Variants in DNAH17 observed in about 807,000 individuals in gnomAD.
DNAH17 encodes axonemal beta dynein heavy chain 17.
DNAH17 carries 376 observed loss-of-function variants against 485.6 expected under a neutral mutation model. The observed-to-expected ratio is 0.77, with a 90% confidence interval of 0.71 to 0.84. The LOEUF (loss-of-function observed/expected upper bound fraction) is 0.84, where lower values mean the gene tolerates loss of function less well. Among genes scored for constraint, DNAH17 ranks in the 40% least tolerant of loss-of-function variants. The pLI is 0.00. For synonymous variants in DNAH17, 3,031 were observed against 2,405.9 expected (o/e 1.26, Z -7.60); for missense variants, 6,370 against 5,839.3 (o/e 1.09, Z -2.96).
chr17:78,473,583 A>T (rs2088872544), intron 54 of DNAH17, among the ~76,000 whole-genome samples: 1 of 151,400 alleles, frequency 6.6e-6, no homozygotes, highest in Non-Finnish European at 1.5e-5. Flanking sequence ...CAGTGATAGC[A>T]AAGCTGATTT....
intron 20 of DNAH17, among the ~76,000 whole-genome samples, chr17:78,531,911 C>T (rs1229564742): frequency 1.3e-5 from 2 of 152,190 alleles, no homozygotes; most frequent in Non-Finnish European, 2.9e-5. Flanking sequence ...GGGGCCTTGC[C>T]CATGGACGAC....
chr17:78,526,452 C>T (rs1360748378), intron 24 of DNAH17, among the ~76,000 whole-genome samples, 199 bp downstream of exon 24: 2 of 152,074 alleles, frequency 1.3e-5, no homozygotes, highest in South Asian at 2.1e-4. Context: ...GGGGGCTGCT[C>T]GGTTTGCATG....
Position 78,450,664 on chromosome 17 carries a change from C to A in DNAH17, c.10899+18G>T, listed in dbSNP as rs772486901. The A allele has an allele frequency of 6.2e-7, 1 of 1,604,880 alleles. No individual in the cohort carries two copies. Among genetic ancestry groups the A allele is most frequent in the East Asian group, 2.2e-5 (1 of 44,570 alleles). On this transcript the variant is annotated intron_variant, in intron 67 of 80. Coordinates refer to ENST00000389840, the MANE Select transcript of DNAH17 (RefSeq NM_173628.4). ...CCAAGCCCTGGCTGCCAGGGCACGT[C>A]ACCGAGGCAGCTCTGACCTTCTCCT...
chr17:78,510,159 G>A (rs543193056), intron 27 of DNAH17, among the ~76,000 whole-genome samples: 2 of 152,196 alleles, frequency 1.3e-5, no homozygotes, highest in East Asian at 1.9e-4. Flanking sequence ...TCCAGCCTGG[G>A]CAACAGAGAG....
At chr17:78,571,168 G>A (rs1309123131) in intron 5 of DNAH17, 111 bp downstream of exon 5, 1 of 1,295,486 alleles carries the variant, frequency 7.7e-7, no homozygotes, top group Non-Finnish European at 1.1e-6. Context: ...GGCTGAGAAA[G>A]CTGCTCGCAG....
intron 75 of DNAH17, among the ~76,000 whole-genome samples, chr17:78,430,204 C>T (rs1344961174): frequency 6.6e-6 from 1 of 152,208 alleles, no homozygotes; most frequent in Non-Finnish European, 1.5e-5. Context: ...TCCTGCACAG[C>T]GCAGTTCAGC....
At chr17:78,559,794 A>C (rs931308392) in intron 13 of DNAH17, among the ~76,000 whole-genome samples, 1 of 151,406 alleles carries the variant, frequency 6.6e-6, no homozygotes, top group Admixed American at 6.6e-5. Context: ...CTCTTCTCCT[A>C]CGACCTTCCC....
Position 78,434,077 on chromosome 17 carries a change from G to A in DNAH17, c.12177C>T (p.Leu4059=). ...TGTAGAGCACGTTGATGGAGATGGT[G>A]AGGTCCCCGTTGTTGAAGGGGTACG... is the stretch of plus-strand genomic sequence containing the variant. The part of the protein sequence containing the change: ...NRSYPFNNGD[L]TISINVLYNY... The change falls in exon 75 of 81, where the codon CTC becomes CTT. Residue 4059 remains leucine (L), a synonymous_variant. Transcript: ENST00000389840. 6.2e-7 allele frequency: 1 copy of A among 1,613,366 alleles called. No individual in the cohort carries two copies. The highest frequency in any genetic ancestry group is 8.5e-7 in the Non-Finnish European group (1 of 1,179,724).
At chr17:78,434,981 CAA>C (rs1391178992) in intron 74 of DNAH17, among the ~76,000 whole-genome samples, 1 of 152,184 alleles carries the variant, frequency 6.6e-6, no homozygotes, top group Non-Finnish European at 1.5e-5. Flanking sequence ...CTGGGTGGAT[CAA>C]GAGCAGGGCC....
chr17:78,567,188 G>A, intron 9 of DNAH17, 22 bp from the exon 10 acceptor site: 6 of 1,578,136 alleles, frequency 3.8e-6, no homozygotes, highest in Non-Finnish European at 4.3e-6. Context: ...GAAAAACACA[G>A]TCAATTCATC....
intron 72 of DNAH17, among the ~76,000 whole-genome samples, chr17:78,440,657 G>A (rs1038945052): frequency 6.6e-6 from 1 of 152,148 alleles, no homozygotes; most frequent in Non-Finnish European, 1.5e-5. Context: ...GGACATTTGG[G>A]TTGTTTCTGC....
intron 14 of DNAH17, among the ~76,000 whole-genome samples, chr17:78,556,222 T>TCC (rs1280817590): frequency 1.3e-5 from 2 of 152,200 alleles, no homozygotes; most frequent in Non-Finnish European, 2.9e-5. Context: ...GATCTATCTA[T>TCC]CCATCCATCC....
chr17:78,453,387 G>C lies in DNAH17; in HGVS notation c.10485C>G (p.Pro3495=), dbSNP rs377744053. The C allele has an allele frequency of 6.2e-7, 1 of 1,613,752 alleles. No individual in the cohort carries two copies. The highest frequency in any genetic ancestry group is 1.3e-5 in the African/African-American group (1 of 75,062). ...LIENIGETVD[P]VLDPLLGRNT... is the part of the protein sequence containing the mutation. ...TCCTGCCCAGTAGAGGGTCCAGCAC[G>C]GGGTCCACGGTTTCGCCGATGTTCT... The change falls in exon 65 of 81, where the codon CCC becomes CCG. Residue 3495 remains proline (P), a synonymous_variant. Transcript: ENST00000389840.
intron 49 of DNAH17, 122 bp from the exon 50 acceptor site, chr17:78,479,754 G>A: frequency 7.3e-7 from 1 of 1,364,192 alleles, no homozygotes; most frequent in Non-Finnish European, 1.0e-6. Context: ...GGCATTGTCA[G>A]AATGGGCAGT....
chr17:78,428,314 C>A (rs990408856), intron 77 of DNAH17: 31 of 630,930 alleles, frequency 4.9e-5, no homozygotes, highest in Non-Finnish European at 8.6e-5. Flanking sequence ...TGGGCCCGTA[C>A]GCTCACCCGA....
At chr17:78,529,326 C>T in intron 22 of DNAH17, 146 bp downstream of exon 22, 1 of 797,880 alleles carries the variant, frequency 1.3e-6, no homozygotes, top group East Asian at 2.6e-5. Flanking sequence ...CCTCCCTGCA[C>T]CTCCCTGTTC....
chr17:78,519,167 CAAAAAAAAAAAA>C (rs71161610), intron 25 of DNAH17, among the ~76,000 whole-genome samples: 2 of 75,580 alleles, frequency 2.6e-5, no homozygotes, highest in East Asian at 4.0e-4. Flanking sequence ...GACTCCGTCT[CAAAAAAAAAAAA>C]AAAAAAAAAA....
chr17:78,471,865 T>A (rs1473105124), intron 54 of DNAH17, among the ~76,000 whole-genome samples: 2 of 152,086 alleles, frequency 1.3e-5, no homozygotes, highest in Admixed American at 1.3e-4. Flanking sequence ...CCGCATCCTA[T>A]CCCTGCACTT....
intron 25 of DNAH17, chr17:78,522,470 T>C (rs1381465236): frequency 3.1e-6 from 1 of 323,236 alleles, no homozygotes; most frequent in Admixed American, 4.2e-5. Flanking sequence ...ACTGGCAACA[T>C]CAAGCTCCTG....
Sources: gnomAD v4.1 joint callset for allele counts (sites outside exome capture counted in the v4.1 genomes callset) on GRCh38, gnomAD v4.1.1 for gene constraint, MANE v1.5 for transcripts, NCBI Gene and HGNC (gene_info 2026-07-23, HGNC 2026-07-21) for gene names.